The following CDH4 variants were observed in gnomAD, a reference collection of about 807,000 sequenced individuals.
CDH4 encodes cadherin 4, also known as cadherin-4.
In CDH4, 33 loss-of-function variants were observed where a neutral mutation model predicts 86.0. The observed-to-expected ratio is 0.38, with a 90% CI of 0.29 to 0.51. The LOEUF (loss-of-function observed/expected upper bound fraction) is 0.51. CDH4 is among the 20% of genes least tolerant of loss of function. The pLI is 0.86. For missense variants in CDH4, 1,114 were observed against 1,307.4 expected, an observed-to-expected ratio of 0.85 and a Z score of 2.28; for synonymous variants, 555 against 549.4, an observed-to-expected ratio of 1.01 and a Z score of -0.14.
In CDH4 at chr20:61,269,490, T is replaced by C. The variant is rs913592298; in HGVS notation, c.169+14553T>C. Among the ~76,000 whole-genome samples, 1 of 152,118 alleles carries C rather than the reference T, an allele frequency of 6.6e-6. No individual in the cohort carries two copies. The highest frequency in any genetic ancestry group is 1.9e-4 in the East Asian group (1 of 5,184). ...GGAGGGAGATGCCAGGTCCATCTCA[T>C]GAGGGCCTGGAAGACCCAGCAGGGT... is the stretch of plus-strand genomic sequence containing the variant. On this transcript the variant is annotated intron_variant, in intron 2 of 15. Coordinates refer to ENST00000614565, the MANE Select transcript of CDH4 (RefSeq NM_001794.5). The surrounding 1 kb of genome is among the most constrained non-coding windows in gnomAD (Gnocchi z 5.3).
intron 2 of CDH4, among the ~76,000 whole-genome samples, chr20:61,340,660 CT>C (rs1263988253): frequency 2.6e-5 from 4 of 151,444 alleles, no homozygotes; most frequent in Non-Finnish European, 4.4e-5. Context: ...TCACGGCTCA[CT>C]GCAGCCTCCA....
At chr20:61,932,724 TACAC>T (rs1004087317) in intron 13 of CDH4, among the ~76,000 whole-genome samples, 10 of 152,166 alleles carry the variant, frequency 6.6e-5, no homozygotes, top group Non-Finnish European at 8.8e-5. Flanking sequence ...TATGCATGCT[TACAC>T]AGACATGCAT....
chr20:61,907,759 AAC>A (rs2054806895), intron 8 of CDH4, among the ~76,000 whole-genome samples: 1 of 152,146 alleles, frequency 6.6e-6, no homozygotes, highest in East Asian at 1.9e-4. Context: ...CTGGCTCAGG[AAC>A]AGAGACAGCT....
intron 9 of CDH4, among the ~76,000 whole-genome samples, chr20:61,917,412 T>C (rs1199064739): frequency 1.3e-5 from 2 of 152,262 alleles, no homozygotes; most frequent in African/African-American, 4.8e-5. Flanking sequence ...CCCTCAGTTT[T>C]AAAGCTAAAA....
At chr20:61,677,757 G>A (rs2145853527) in intron 2 of CDH4, among the ~76,000 whole-genome samples, 1 of 93,648 alleles carries the variant, frequency 1.1e-5, no homozygotes, top group East Asian at 2.9e-4. Context: ...GTGGATAGGT[G>A]GATGGATGGT....
At chr20:61,637,400 A>G (rs1423061313) in intron 2 of CDH4, among the ~76,000 whole-genome samples, 2 of 152,134 alleles carry the variant, frequency 1.3e-5, no homozygotes, top group Non-Finnish European at 2.9e-5. Flanking sequence ...CTCTGAGGGT[A>G]TCTGTGAAGC....
chr20:61,408,231 T>C (rs2085095174), intron 2 of CDH4, among the ~76,000 whole-genome samples: 1 of 152,124 alleles, frequency 6.6e-6, no homozygotes, highest in Non-Finnish European at 1.5e-5. Flanking sequence ...ACTCCTTAAC[T>C]TCATCATACC....
intron 2 of CDH4, among the ~76,000 whole-genome samples, chr20:61,259,111 C>T (rs1051602588): frequency 6.6e-6 from 1 of 152,164 alleles, no homozygotes; most frequent in African/African-American, 2.4e-5. Flanking sequence ...AGACCTTCCC[C>T]AGTGCCCAGT....
At chr20:61,638,115 A>G (rs973388487) in intron 2 of CDH4, among the ~76,000 whole-genome samples, 3 of 152,204 alleles carry the variant, frequency 2.0e-5, no homozygotes, top group African/African-American at 7.2e-5. Flanking sequence ...AAAGACAGCC[A>G]AAAATCTGAA....
Position 61,377,203 on chromosome 20 carries a change from A to C in CDH4, c.169+122266A>C, listed in dbSNP as rs535598023. Reference sequence around the variant, plus strand: ...TTGGCGGCTCAATCTAAAACGGAGGAGCCTTGAAGTTTGCAGAAGTGGAAT... The same window carrying C: ...TTGGCGGCTCAATCTAAAACGGAGGCGCCTTGAAGTTTGCAGAAGTGGAAT... On this transcript the variant is annotated intron_variant, in intron 2 of 15. Coordinates refer to ENST00000614565, the MANE Select transcript of CDH4 (RefSeq NM_001794.5). The surrounding 1 kb of genome is among the most constrained non-coding windows in gnomAD (Gnocchi z 4.0). 5.3e-4 allele frequency among the ~76,000 whole-genome samples: 80 copies of C among 152,170 alleles called. No homozygotes were observed. Among genetic ancestry groups the C allele is most frequent in the Middle Eastern group, 6.8e-3 (2 of 294 alleles).
chr20:61,392,386 C>A lies in CDH4; in HGVS notation c.169+137449C>A, dbSNP rs1049790925. ...CTGCTCAGTATGCATGATCACAGGG[C>A]GCCACCGGGATGGAACGCACGGCGC... On this transcript the variant is annotated intron_variant, in intron 2 of 15. Coordinates refer to ENST00000614565, the MANE Select transcript of CDH4 (RefSeq NM_001794.5). The surrounding 1 kb of genome is among the most constrained non-coding windows in gnomAD (Gnocchi z 5.7). 6.6e-6 allele frequency among the ~76,000 whole-genome samples: 1 copy of A among 152,062 alleles called. No individual in the cohort carries two copies. Among genetic ancestry groups the A allele is most frequent in the African/African-American group, 2.4e-5 (1 of 41,394 alleles).
intron 2 of CDH4, among the ~76,000 whole-genome samples, chr20:61,566,158 C>G (rs994043918): frequency 6.6e-6 from 1 of 152,170 alleles, no homozygotes; most frequent in African/African-American, 2.4e-5. Context: ...CTTCTTCCAC[C>G]CCTGCATGGT....
At chr20:61,465,773 G>T (rs913383301) in intron 2 of CDH4, among the ~76,000 whole-genome samples, 2 of 151,880 alleles carry the variant, frequency 1.3e-5, no homozygotes, top group African/African-American at 4.8e-5. Flanking sequence ...TTTCAATTTT[G>T]ACCCTATGGA....
At chr20:61,347,248 C>T (rs1226796387) in intron 2 of CDH4, among the ~76,000 whole-genome samples, 1 of 152,200 alleles carries the variant, frequency 6.6e-6, no homozygotes, top group East Asian at 1.9e-4. Flanking sequence ...CAGCCCGTGC[C>T]GCTGCCTGGC....
rs539524152 is a variant in CDH4 at position 61,891,529 on chromosome 20, C to T, written c.1051-3381C>T. 4.6e-5 allele frequency among the ~76,000 whole-genome samples: 7 copies of T among 152,384 alleles called. No individual in the cohort carries two copies. The South Asian group carries it at 1.4e-3, about 32-fold the overall frequency. On this transcript the variant is annotated intron_variant, in intron 7 of 15. Coordinates refer to ENST00000614565, the MANE Select transcript of CDH4 (RefSeq NM_001794.5). Reference sequence around the variant, plus strand: ...GACCACGCAGGCATGGGCCAAGAAGCAGTTTCCTGCCCTTCCGAGAGGCCC... The same window carrying T: ...GACCACGCAGGCATGGGCCAAGAAGTAGTTTCCTGCCCTTCCGAGAGGCCC...
intron 9 of CDH4, among the ~76,000 whole-genome samples, chr20:61,912,941 C>T (rs1467390013): frequency 1.3e-5 from 2 of 152,194 alleles, no homozygotes; most frequent in African/African-American, 2.4e-5. Flanking sequence ...CAACGTTGCT[C>T]ATGGGAAGGT....
chr20:61,519,338 T>C (rs1314238696), intron 2 of CDH4, among the ~76,000 whole-genome samples: 1 of 152,206 alleles, frequency 6.6e-6, no homozygotes, highest in Non-Finnish European at 1.5e-5. Context: ...CCCAGCACTG[T>C]GTTTCTAGCC....
At chr20:61,596,698 G>T (rs1326771262) in intron 2 of CDH4, among the ~76,000 whole-genome samples, 1 of 152,176 alleles carries the variant, frequency 6.6e-6, no homozygotes, top group Admixed American at 6.5e-5. Flanking sequence ...TCCTGGAAAT[G>T]CTCAGATTTC....
At chr20:61,711,721 T>TA (rs1390564512) in intron 2 of CDH4, among the ~76,000 whole-genome samples, 2 of 152,180 alleles carry the variant, frequency 1.3e-5, no homozygotes, top group African/African-American at 4.8e-5. Context: ...GGAGGGCCGT[T>TA]ATTCTGCCTG....
Sources: gnomAD v4.1 joint callset for allele counts (sites outside exome capture counted in the v4.1 genomes callset) on GRCh38, gnomAD v4.1.1 for gene constraint, Gnocchi (gnomAD v3.1) non-coding constraint, MANE v1.5 for transcripts, NCBI Gene and HGNC (gene_info 2026-07-23, HGNC 2026-07-21) for gene names.